Variants in FREM1 observed in about 807,000 individuals in gnomAD.
The protein encoded by FREM1 is FRAS1-related extracellular matrix protein 1.
A neutral mutation model predicts 210.1 loss-of-function variants in FREM1; 220 were observed. The observed-to-expected ratio is 1.05, with a 90% CI of 0.94 to 1.17. The LOEUF (loss-of-function observed/expected upper bound fraction) is 1.17. Ranked by LOEUF, FREM1 falls within the 50% of genes most tolerant of loss-of-function variation. FREM1 has a pLI of 0.00. For missense variants in FREM1, 3,454 were observed against 2,675.5 expected, an observed-to-expected ratio of 1.29 and a Z score of -6.42; for synonymous variants, 1,189 against 980.2, an observed-to-expected ratio of 1.21 and a Z score of -3.98.
Position 14,764,670 on chromosome 9 carries a change from A to C in FREM1, c.5205-4769T>G, listed in dbSNP as rs182977192. 3.9e-5 allele frequency among the ~76,000 whole-genome samples: 6 copies of C among 152,132 alleles called. No individual in the cohort carries two copies. The East Asian group carries it at 1.2e-3, about 29-fold the overall frequency. The stretch of plus-strand genomic sequence containing the variant: ...TGAGAGAGGCCTGGGGTGCTGCTGA[A>C]TGTTCTGCAGTGCTCAGGAGACTCC... On this transcript the variant is annotated intron_variant, in intron 27 of 36. Coordinates refer to ENST00000380880, the MANE Select transcript of FREM1 (RefSeq NM_001379081.2).
chr9:14,812,240 G>A (rs1819530959), intron 16 of FREM1, among the ~76,000 whole-genome samples: 2 of 152,142 alleles, frequency 1.3e-5, no homozygotes, highest in Non-Finnish European at 2.9e-5. Context: ...CCACCTGGGT[G>A]ACAACATAAA....
intron 1 of FREM1, among the ~76,000 whole-genome samples, chr9:14,870,024 T>C (rs557502247): frequency 1.3e-5 from 2 of 152,332 alleles, no homozygotes; most frequent in Non-Finnish European, 2.9e-5. Context: ...TTCTCTGTGT[T>C]CCATAAGAAA....
At chr9:14,905,456 C>T (rs1817528942) in intron 1 of FREM1, among the ~76,000 whole-genome samples, 1 of 152,190 alleles carries the variant, frequency 6.6e-6, no homozygotes, top group South Asian at 2.1e-4. Context: ...TCTCCTTATG[C>T]ATTTATCTAA....
intron 1 of FREM1, among the ~76,000 whole-genome samples, chr9:14,875,261 G>A (rs2132004499): frequency 6.6e-6 from 1 of 152,268 alleles, no homozygotes; most frequent in African/African-American, 2.4e-5. Context: ...CTTGCAGAGT[G>A]TTTTCCAACT....
chr9:14,770,693 C>T lies in FREM1; in HGVS notation c.4971G>A (p.Lys1657=). ...YGIYITSRVL[K]ASDPDTEDDQ... is the part of the protein sequence containing the mutation. ...CGTCCTCAGTGTCAGGGTCTGATGCCTTCAACACGCGGGAAGTGATGTAAA... is the reference window on the plus strand; with the variant it reads ...CGTCCTCAGTGTCAGGGTCTGATGCTTTCAACACGCGGGAAGTGATGTAAA... Residue 1657 remains lysine (K), a synonymous_variant, in exon 26 of 37, where the codon AAG becomes AAA. Transcript: ENST00000380880. 1 of 1,613,432 alleles carries T rather than the reference C, an allele frequency of 6.2e-7. No individual in the cohort carries two copies. Among genetic ancestry groups the T allele is most frequent in the Non-Finnish European group, 8.5e-7 (1 of 1,179,490 alleles).
chr9:14,841,577 T>G lies in FREM1; in HGVS notation c.1751A>C (p.His584Pro), dbSNP rs1825702531. 6.2e-7 allele frequency: 1 copy of G among 1,606,192 alleles called. No individual in the cohort carries two copies. Among genetic ancestry groups the G allele is most frequent in the East Asian group, 2.2e-5 (1 of 44,722 alleles). Residue 584 changes from histidine (H) to proline (P), a missense_variant, in exon 10 of 37, where the codon CAT becomes CCT. By Grantham distance (77) the His-to-Pro change is moderately conservative. Coordinates refer to ENST00000380880, the MANE Select transcript of FREM1 (RefSeq NM_001379081.2). ...AAACAAATCCCTCTGAAGGAAGCCA[T>G]GGACAGGATAGCCTATTGGGTCCAT... is the stretch of plus-strand genomic sequence containing the variant. ...PGPGLIGYPV[H>P]GFLQRDLFNG...
At chr9:14,796,728 C>G (rs1180904538) in intron 21 of FREM1, among the ~76,000 whole-genome samples, 1 of 152,166 alleles carries the variant, frequency 6.6e-6, no homozygotes, top group African/African-American at 2.4e-5. Context: ...TTGTTTTTCT[C>G]TCTCCTGCTA....
intron 13 of FREM1, among the ~76,000 whole-genome samples, chr9:14,821,562 C>T (rs1326408357): frequency 6.6e-6 from 1 of 152,168 alleles, no homozygotes; most frequent in African/African-American, 2.4e-5. Context: ...ACTCCATAAG[C>T]ATTCTAAACT....
intron 3 of FREM1, among the ~76,000 whole-genome samples, chr9:14,861,979 C>G (rs138320364): frequency 1.8e-4 from 27 of 152,342 alleles, no homozygotes; most frequent in African/African-American, 6.3e-4. Context: ...TGCAACTCCC[C>G]ACTACCCTTC....
At chr9:14,860,844 CATATATACGTAT>C (rs1829991803) in intron 3 of FREM1, among the ~76,000 whole-genome samples, 1 of 93,584 alleles carries the variant, frequency 1.1e-5, no homozygotes, top group Non-Finnish European at 1.9e-5. Context: ...CGTATATATA[CATATATACGTAT>C]ATATACACAT....
At chr9:14,774,565 G>A (rs2132593072) in intron 25 of FREM1, among the ~76,000 whole-genome samples, 1 of 136,194 alleles carries the variant, frequency 7.3e-6, no homozygotes, top group East Asian at 2.3e-4. Context: ...CTCTCTCTCA[G>A]AGCAAGGAAA....
chr9:14,825,533 A>ATGTGTGTG lies in FREM1; in HGVS notation c.1882-542_1882-541insCACACACA, dbSNP rs1303372397. Reference sequence around the variant, plus strand: ...TATATATATACATACATATATATATATATGTGTGTGTGTGTATATATATAT... The same window carrying ATGTGTGTG: ...TATATATATACATACATATATATATATGTGTGTGTATGTGTGTGTGTGTATATATATAT... On this transcript the variant is annotated intron_variant, in intron 10 of 36. Coordinates refer to ENST00000380880, the MANE Select transcript of FREM1 (RefSeq NM_001379081.2). 5.8e-4 allele frequency among the ~76,000 whole-genome samples: 54 copies of ATGTGTGTG among 93,450 alleles called. 4 individuals are homozygous for ATGTGTGTG. Among genetic ancestry groups the ATGTGTGTG allele is most frequent in the South Asian group, 8.5e-4 (2 of 2,340 alleles). The allele number at this position is 93,450 out of a possible 152,430, so 61.3% of individuals were successfully genotyped here.
chr9:14,833,340 G>A (rs1269358151), intron 10 of FREM1, among the ~76,000 whole-genome samples: 4 of 152,244 alleles, frequency 2.6e-5, no homozygotes, highest in Non-Finnish European at 5.9e-5. Flanking sequence ...CTTGGGAAGC[G>A]GCTGTTATCA....
At chr9:14,786,056 T>C (rs78839085) in intron 23 of FREM1, among the ~76,000 whole-genome samples, 11,478 of 152,218 alleles carry the variant, frequency 0.075, 697 homozygotes, top group African/African-American at 0.15. Flanking sequence ...CAAGTGATCA[T>C]ATCTCAAATA....
At position 14,805,049 on chromosome 9, in the gene FREM1, T is replaced by C. The variant is rs202213402; in HGVS notation, c.3378A>G (p.Thr1126=). 73 of 1,613,364 alleles carry C rather than the reference T, an allele frequency of 4.5e-5. No homozygotes were observed. The highest frequency in any genetic ancestry group is 1.6e-4 in the Middle Eastern group (1 of 6,062). Residue 1126 remains threonine (T), a synonymous_variant, in exon 19 of 37, where the codon ACA becomes ACG. Coordinates refer to ENST00000380880, the MANE Select transcript of FREM1 (RefSeq NM_001379081.2). Reference sequence around the variant, plus strand: ...TCTCCAAGGAGTGATGCTTCCCATCTGTGACGTACACCGTGAACTGGTCGG... The same window carrying C: ...TCTCCAAGGAGTGATGCTTCCCATCCGTGACGTACACCGTGAACTGGTCGG... The part of the protein sequence containing the change: ...PTADQFTVYV[T]DGKHHSLEIP...
rs1418448401 is a variant in FREM1, at chr9:14,842,646, G to A, written c.1408C>T (p.Leu470Phe). Reference protein sequence around the residue: ...WLTLRGGKGFLFTVADLQAGV... With the variant: ...WLTLRGGKGFFFTVADLQAGV... The stretch of plus-strand genomic sequence containing the variant: ...GCCTGGAGGTCAGCCACGGTGAAGA[G>A]AAACCCTTTCCCCCCTGAGGGAGAG... Residue 470 changes from leucine to phenylalanine, a missense_variant, in exon 9 of 37, where the codon CTC (leucine) becomes TTC (phenylalanine). Transcript: ENST00000380880. 7.4e-6 allele frequency: 12 copies of A among 1,613,176 alleles called. No homozygotes were observed. The highest frequency in any genetic ancestry group is 8.5e-6 in the Non-Finnish European group (10 of 1,179,512).
chr9:14,875,071 C>T (rs988979349), intron 1 of FREM1, among the ~76,000 whole-genome samples: 1 of 152,162 alleles, frequency 6.6e-6, no homozygotes, highest in Non-Finnish European at 1.5e-5. Context: ...TTGTGGATAA[C>T]CCGACCTTTC....
In FREM1 at chr9:14,808,525, T is replaced by C. The variant is rs1268050282; in HGVS notation, c.2894-391A>G. Among the ~76,000 whole-genome samples, 8 of 152,310 alleles carry C rather than the reference T, an allele frequency of 5.3e-5. No homozygotes were observed. The East Asian group carries it at 5.8e-4, about 11-fold the overall frequency. ...GGAGAAGGCAACCTTTTCCCTTTGGTAAGTGTCTTTCCATTTACATTAACC... is the reference window on the plus strand; with the variant it reads ...GGAGAAGGCAACCTTTTCCCTTTGGCAAGTGTCTTTCCATTTACATTAACC... On this transcript the variant is annotated intron_variant, in intron 16 of 36. Coordinates refer to ENST00000380880, the MANE Select transcript of FREM1 (RefSeq NM_001379081.2).
At chr9:14,783,062 T>C (rs1849875389) in intron 24 of FREM1, among the ~76,000 whole-genome samples, 1 of 152,212 alleles carries the variant, frequency 6.6e-6, no homozygotes. Context: ...CTAGTTAAAA[T>C]ATTGATCAAT....
Sources: allele counts gnomAD v4.1 joint callset (sites outside exome capture counted in the v4.1 genomes callset), GRCh38; gene constraint gnomAD v4.1.1; transcripts MANE v1.5; gene names NCBI Gene and HGNC (gene_info 2026-07-23, HGNC 2026-07-21).